RTN4RL1: variants seen among roughly 807,000 people sequenced by gnomAD.
RTN4RL1 encodes reticulon-4 receptor-like 1.
A neutral mutation model predicts 25.6 loss-of-function variants in RTN4RL1; 7 were observed. The ratio of observed to expected loss-of-function variants is 0.27; its 90% CI spans 0.16 to 0.51. The LOEUF is 0.51. Ranked by LOEUF, RTN4RL1 falls within the 20% of genes least tolerant of loss-of-function variation. RTN4RL1 has a pLI of 0.97. For synonymous variants in RTN4RL1, 297 were observed against 288.2 expected, an observed-to-expected ratio of 1.03 and a Z score of -0.31; for missense variants, 500 against 615.6, an observed-to-expected ratio of 0.81 and a Z score of 1.99.
chr17:1,974,121 TGTTTAATAATAAAACTTTCCAGCCTGG>T (rs2066832525), intron 1 of RTN4RL1, among the ~76,000 whole-genome samples: 1 of 150,678 alleles, frequency 6.6e-6, no homozygotes, highest in African/African-American at 2.4e-5. Flanking sequence ...ACATGGAAAC[TGTTTAATAATAAAACTTTCCAGCCTGG>T]GCAACAGGGC....
At position 1,973,760 on chromosome 17, in the gene RTN4RL1, C is replaced by G. The variant is rs540890891; in HGVS notation, c.14-35952G>C. ...ATACATTTAGTTAAAAAGAGCTGGC[C>G]GGGTGTGGTGGCTCATACCTGTAAT... On this transcript the variant is annotated intron_variant, in intron 1 of 1. Coordinates refer to ENST00000331238, the MANE Select transcript of RTN4RL1 (RefSeq NM_178568.4). Among the ~76,000 whole-genome samples, 3 of 151,042 alleles carry G rather than the reference C, an allele frequency of 2.0e-5. No individual in the cohort carries two copies. In the East Asian group the frequency reaches 5.9e-4, roughly 30 times the overall value.
intron 1 of RTN4RL1, among the ~76,000 whole-genome samples, chr17:2,022,828 A>T (rs1024199907): frequency 6.6e-6 from 1 of 152,214 alleles, no homozygotes; most frequent in Admixed American, 6.5e-5. Flanking sequence ...CAGGCTGTGC[A>T]GGAAGGAAGA....
intron 1 of RTN4RL1, among the ~76,000 whole-genome samples, chr17:1,980,322 C>T (rs1268066478): frequency 2.6e-5 from 4 of 151,376 alleles, no homozygotes; most frequent in South Asian, 2.1e-4. Context: ...CTGCCTGCCT[C>T]GGCCTCCCAA....
intron 1 of RTN4RL1, among the ~76,000 whole-genome samples, chr17:1,981,619 C>T (rs562965051): frequency 4.6e-5 from 7 of 152,172 alleles, no homozygotes; most frequent in African/African-American, 1.4e-4. Context: ...CAGCCTCACA[C>T]GAGTCACTGC....
intron 1 of RTN4RL1, 105 bp from the exon 2 acceptor site, chr17:1,937,913 C>T: frequency 1.1e-6 from 1 of 921,022 alleles, no homozygotes; most frequent in Non-Finnish European, 1.6e-6. Context: ...TGGCTGAGCT[C>T]CGTGAGAGCC....
chr17:1,961,598 T>C (rs1309932341), intron 1 of RTN4RL1, among the ~76,000 whole-genome samples: 1 of 151,656 alleles, frequency 6.6e-6, no homozygotes. Flanking sequence ...CCCACTCTTG[T>C]CCTAGTGTGC....
At chr17:1,991,120 G>C (rs971564746) in intron 1 of RTN4RL1, among the ~76,000 whole-genome samples, 2 of 152,214 alleles carry the variant, frequency 1.3e-5, no homozygotes, top group East Asian at 1.9e-4. Flanking sequence ...CATTTATCGA[G>C]CATCTCAGTG....
chr17:1,936,536 AG>A lies in RTN4RL1; in HGVS notation c.1285del (p.Leu429SerfsTer38). On this transcript the variant is annotated frameshift_variant, in exon 2 of 2. Transcript: ENST00000331238. LOFTEE classifies it high-confidence loss of function. ...CGCCAGCCCCAGTGTCCAGGCCAGG[AG>A]GGAGGCCCCCAGGGAACTGGCCGAG... is the stretch of plus-strand genomic sequence containing the variant. ...ASSASSLGAS[L>X]LAWTLGLAVT... The A allele has an allele frequency of 6.4e-7, 1 of 1,552,934 alleles. No individual in the cohort carries two copies.
chr17:1,952,347 T>G (rs962905134), intron 1 of RTN4RL1, among the ~76,000 whole-genome samples: 3 of 148,836 alleles, frequency 2.0e-5, no homozygotes, highest in African/African-American at 7.5e-5. Context: ...TTTTTTTTTT[T>G]TTTTTTTGAG....
chr17:1,968,387 G>A lies in RTN4RL1; in HGVS notation c.14-30579C>T, dbSNP rs186288039. Among the ~76,000 whole-genome samples, 440 of 152,180 alleles carry A rather than the reference G, an allele frequency of 2.9e-3. 2 individuals are homozygous for A. Among genetic ancestry groups the A allele is most frequent in the African/African-American group, 0.01 (420 of 41,502 alleles). On this transcript the variant is annotated intron_variant, in intron 1 of 1. Coordinates refer to ENST00000331238, the MANE Select transcript of RTN4RL1 (RefSeq NM_178568.4). ...TTCACCAAGTCCCATAGCTCGGGCCGGCCGTCCTCTCTCCTGACAGATCAG... is the reference window on the plus strand; with the variant it reads ...TTCACCAAGTCCCATAGCTCGGGCCAGCCGTCCTCTCTCCTGACAGATCAG...
In RTN4RL1 at chr17:1,935,764, G is replaced by C; in HGVS notation, c.*732C>G. On this transcript the variant is annotated 3_prime_UTR_variant, in exon 2 of 2. Transcript: ENST00000331238. ...ATATATATATATATATGTAGAGTGT[G>C]AATATATATAAGTGGACGTAGTTAG... 1.7e-6 allele frequency: 1 copy of C among 580,074 alleles called. No individual in the cohort carries two copies. The allele number at this position is 580,074 out of a possible 1,614,324, so 35.9% of individuals were successfully genotyped here.
intron 1 of RTN4RL1, among the ~76,000 whole-genome samples, chr17:1,961,266 G>C (rs557168364): frequency 1.3e-5 from 2 of 152,218 alleles, no homozygotes; most frequent in African/African-American, 4.8e-5. Context: ...ACGAAGGGAA[G>C]GGGGGCCTGG....
chr17:2,018,101 C>G (rs2067150198), intron 1 of RTN4RL1: 1 of 152,434 alleles, frequency 6.6e-6, no homozygotes, highest in African/African-American at 2.4e-5. Flanking sequence ...GGAAGGCCCC[C>G]CAGGAGGTAG....
At chr17:1,978,904 T>A (rs2066855096) in intron 1 of RTN4RL1, among the ~76,000 whole-genome samples, 1 of 152,240 alleles carries the variant, frequency 6.6e-6, no homozygotes, top group Admixed American at 6.5e-5. Flanking sequence ...GAGGGCCACC[T>A]GGCTTCCCCA....
At chr17:1,968,092 T>C (rs1200340232) in intron 1 of RTN4RL1, among the ~76,000 whole-genome samples, 6 of 152,152 alleles carry the variant, frequency 3.9e-5, no homozygotes, top group African/African-American at 1.4e-4. Flanking sequence ...CTTCTCATTT[T>C]ACCCACAGCC....
chr17:2,002,252 CTTTCT>C (rs2066962970), intron 1 of RTN4RL1, among the ~76,000 whole-genome samples: 1 of 147,930 alleles, frequency 6.8e-6, no homozygotes, highest in Non-Finnish European at 1.5e-5. Context: ...TCCCTCCCTC[CTTTCT>C]TTTTTCTTTC....
chr17:2,004,944 G>A (rs1001111231), intron 1 of RTN4RL1, among the ~76,000 whole-genome samples: 4 of 152,238 alleles, frequency 2.6e-5, no homozygotes, highest in Non-Finnish European at 4.4e-5. Context: ...GAATGGCGGC[G>A]TTCATTGAGC....
intron 1 of RTN4RL1, among the ~76,000 whole-genome samples, chr17:1,984,584 G>C (rs1295313661): frequency 6.6e-6 from 1 of 152,186 alleles, no homozygotes; most frequent in Non-Finnish European, 1.5e-5. Context: ...TGTATGAGAT[G>C]TTCTCAAACT....
chr17:2,004,367 C>CAAAAAAAAAAAAAAAAA (rs58690992), intron 1 of RTN4RL1, among the ~76,000 whole-genome samples: 10 of 36,532 alleles, frequency 2.7e-4, no homozygotes, highest in Non-Finnish European at 4.1e-4. Flanking sequence ...GACTCTGTCT[C>CAAAAAAAAAAAAAAAAA]AAAAAAAAAA....
Sources: gnomAD v4.1 joint callset for allele counts (sites outside exome capture counted in the v4.1 genomes callset) on GRCh38, gnomAD v4.1.1 for gene constraint, MANE v1.5 for transcripts, NCBI Gene and HGNC (gene_info 2026-07-23, HGNC 2026-07-21) for gene names.